Variants in VAV3 observed in about 807,000 individuals in gnomAD.
The protein encoded by VAV3 is vav guanine nucleotide exchange factor 3.
Under a neutral mutation model 131.2 loss-of-function variants are expected in VAV3, and 94 were observed. That is an observed-to-expected ratio of 0.72 (90% CI 0.61 to 0.85). The LOEUF is 0.85. Among genes scored for constraint, VAV3 ranks in the 40% least tolerant of loss-of-function variants. VAV3 has a pLI of 0.00. For synonymous variants in VAV3, 349 were observed against 342.0 expected, an observed-to-expected ratio of 1.02 and a Z score of -0.22; for missense variants, 939 against 1,002.7, an observed-to-expected ratio of 0.94 and a Z score of 0.86.
intron 1 of VAV3, among the ~76,000 whole-genome samples, chr1:107,929,185 G>A (rs1673298614): frequency 6.6e-6 from 1 of 151,476 alleles, no homozygotes; most frequent in Non-Finnish European, 1.5e-5. Context: ...CTATTTGGGA[G>A]GCTGAGGCAG....
In VAV3 at chr1:107,688,407, C is replaced by A; in HGVS notation, c.1706-1G>T. On this transcript the variant is annotated splice_acceptor_variant, in intron 17 of 26. Coordinates refer to ENST00000370056, the MANE Select transcript of VAV3 (RefSeq NM_006113.5). LOFTEE classifies it high-confidence loss of function. ...TCTGGTAGTTTGAGTGTCCCTTGTT[C>A]TGAAAGAAATGTAAAAATTGGCATT... The A allele has an allele frequency of 6.2e-7, 1 of 1,613,348 alleles. No homozygotes were observed.
At chr1:107,930,690 AATGAC>A (rs970355158) in intron 1 of VAV3, among the ~76,000 whole-genome samples, 2 of 152,308 alleles carry the variant, frequency 1.3e-5, no homozygotes, top group Middle Eastern at 3.4e-3. Context: ...ATTAATAATA[AATGAC>A]ATGATTGATG....
chr1:107,582,492 A>T lies in VAV3; in HGVS notation c.2351-8294T>A, dbSNP rs540297458. 1.4e-4 allele frequency among the ~76,000 whole-genome samples: 21 copies of T among 151,942 alleles called. No homozygotes were observed. In the East Asian group the frequency reaches 4.1e-3, roughly 30 times the overall value. On this transcript the variant is annotated intron_variant, in intron 25 of 26. Transcript: ENST00000370056. The stretch of plus-strand genomic sequence containing the variant: ...TTAGTTACATATGTATACATGTGCC[A>T]CGCTGGTGCGCTGCACCCACTAACT...
chr1:107,962,280 G>A (rs1251890716), intron 1 of VAV3, among the ~76,000 whole-genome samples: 2 of 152,156 alleles, frequency 1.3e-5, no homozygotes, highest in South Asian at 2.1e-4. Context: ...CAGGTTAATA[G>A]TGTATTCACT....
At chr1:107,863,912 T>C (rs1426044319) in intron 2 of VAV3, among the ~76,000 whole-genome samples, 2 of 152,220 alleles carry the variant, frequency 1.3e-5, no homozygotes, top group Non-Finnish European at 2.9e-5. Flanking sequence ...ATCTTTATCA[T>C]GCTTTTAGCT....
chr1:107,822,836 C>G (rs905955024), intron 2 of VAV3, among the ~76,000 whole-genome samples: 15 of 152,062 alleles, frequency 9.9e-5, no homozygotes, highest in African/African-American at 3.4e-4. Context: ...TGAACACCTA[C>G]TACATACCAG....
At chr1:107,882,350 G>A (rs1670822959) in intron 1 of VAV3, among the ~76,000 whole-genome samples, 2 of 152,114 alleles carry the variant, frequency 1.3e-5, no homozygotes, top group African/African-American at 2.4e-5. Context: ...GATCGGCCCT[G>A]AATTTGAGGG....
intron 10 of VAV3, among the ~76,000 whole-genome samples, chr1:107,758,552 A>C (rs555982612): frequency 1.2e-4 from 19 of 152,188 alleles, no homozygotes; most frequent in African/African-American, 4.3e-4. Flanking sequence ...ACAGAGAAAG[A>C]CCCTCTCTTA....
chr1:107,664,635 T>A (rs1570712647), intron 19 of VAV3, among the ~76,000 whole-genome samples: 1 of 152,040 alleles, frequency 6.6e-6, no homozygotes, highest in African/African-American at 2.4e-5. Flanking sequence ...GGTATAAATA[T>A]GAAAAGATGA....
intron 1 of VAV3, among the ~76,000 whole-genome samples, chr1:107,929,076 T>C (rs1673293499): frequency 6.6e-6 from 1 of 151,960 alleles, no homozygotes; most frequent in Admixed American, 6.5e-5. Context: ...AGTGGAAATT[T>C]TACAGGCCAT....
chr1:107,631,277 T>C (rs1654459154), intron 20 of VAV3, among the ~76,000 whole-genome samples: 1 of 152,024 alleles, frequency 6.6e-6, no homozygotes, highest in South Asian at 2.1e-4. Flanking sequence ...ACTAAACCTT[T>C]ATAACTAAAA....
intron 1 of VAV3, among the ~76,000 whole-genome samples, chr1:107,909,767 A>ACT (rs140453020): frequency 0.16 from 24,228 of 152,050 alleles, 2,020 homozygotes; most frequent in South Asian, 0.22. Flanking sequence ...AGGTATCCAG[A>ACT]CTCTGCCATG....
At chr1:107,830,770 A>G (rs779983732) in intron 2 of VAV3, among the ~76,000 whole-genome samples, 14 of 152,178 alleles carry the variant, frequency 9.2e-5, no homozygotes, top group Admixed American at 6.5e-5. Context: ...GGTGACAACT[A>G]TGTTACCAGG....
At chr1:107,851,205 T>C (rs1179156505) in intron 2 of VAV3, among the ~76,000 whole-genome samples, 2 of 150,272 alleles carry the variant, frequency 1.3e-5, no homozygotes, top group African/African-American at 4.9e-5. Context: ...CCGGCCCTCA[T>C]TCCCAAAGCT....
At position 107,842,288 on chromosome 1, in the gene VAV3, T is replaced by C. The variant is rs562314544; in HGVS notation, c.321+32613A>G. Among the ~76,000 whole-genome samples the C allele has an allele frequency of 5.6e-4, 85 of 152,010 alleles. 1 individual carries two copies. Among genetic ancestry groups the C allele is most frequent in the African/African-American group, 2.0e-3 (83 of 41,460 alleles). ...ATAGCTGAATGGCAAGGGAAGGGAG[T>C]TGCGAGATGAATAGCTAAAAATAAA... On this transcript the variant is annotated intron_variant, in intron 2 of 26. Transcript: ENST00000370056.
chr1:107,857,814 T>C (rs1669540075), intron 2 of VAV3, among the ~76,000 whole-genome samples: 1 of 152,196 alleles, frequency 6.6e-6, no homozygotes, highest in African/African-American at 2.4e-5. Context: ...AAAGGTTGAA[T>C]GAAGAATGCT....
intron 13 of VAV3, among the ~76,000 whole-genome samples, chr1:107,749,843 A>C (rs1663598159): frequency 6.6e-6 from 1 of 152,190 alleles, no homozygotes; most frequent in Admixed American, 6.5e-5. Context: ...AGTAAGAGTA[A>C]AATGCACACT....
intron 18 of VAV3, among the ~76,000 whole-genome samples, chr1:107,684,129 T>C (rs1343420472): frequency 2.0e-5 from 3 of 152,180 alleles, no homozygotes; most frequent in Admixed American, 2.0e-4. Context: ...TTATAGAAAA[T>C]GAATCTGTAA....
chr1:107,753,369 T>C (rs1259585931), intron 12 of VAV3, among the ~76,000 whole-genome samples: 1 of 151,608 alleles, frequency 6.6e-6, no homozygotes, highest in Non-Finnish European at 1.5e-5. Flanking sequence ...AGATGAAGTT[T>C]TGGAGACGGT....
Sources: gnomAD v4.1 joint callset for allele counts (sites outside exome capture counted in the v4.1 genomes callset) on GRCh38, gnomAD v4.1.1 for gene constraint, MANE v1.5 for transcripts, NCBI Gene and HGNC (gene_info 2026-07-23, HGNC 2026-07-21) for gene names.